Variants in CMC1 observed in about 807,000 individuals in gnomAD.
CMC1 encodes COX assembly mitochondrial protein homolog.
In CMC1, 14 loss-of-function variants were observed where a neutral mutation model predicts 14.1. The ratio of observed to expected loss-of-function variants is 0.99; its 90% CI spans 0.66 to 1.55. The LOEUF (loss-of-function observed/expected upper bound fraction) is 1.55, where lower values mean the gene tolerates loss of function less well. CMC1 is among the 40% of genes most tolerant of loss of function. CMC1 has a pLI of 0.00. For missense variants in CMC1, 127 were observed against 123.8 expected (o/e 1.03, Z -0.12); for synonymous variants, 50 against 38.4 (o/e 1.30, Z -1.12).
chr3:28,277,181 A>G (rs536376334), intron 2 of CMC1, among the ~76,000 whole-genome samples: 2 of 152,326 alleles, frequency 1.3e-5, no homozygotes, highest in South Asian at 4.1e-4. Flanking sequence ...TCAGAATATT[A>G]AATAAAGGTG....
At chr3:28,252,136 C>T (rs992358705) in intron 1 of CMC1, among the ~76,000 whole-genome samples, 3 of 152,178 alleles carry the variant, frequency 2.0e-5, no homozygotes, top group African/African-American at 7.2e-5. Context: ...TTTCTGGCCT[C>T]CTCTTGGTTA....
At chr3:28,255,079 A>G (rs996506213) in intron 1 of CMC1, among the ~76,000 whole-genome samples, 2 of 152,088 alleles carry the variant, frequency 1.3e-5, no homozygotes, top group Non-Finnish European at 2.9e-5. Flanking sequence ...ATAAATGGTC[A>G]TATCCTTTTA....
chr3:28,295,821 A>G lies in CMC1; in HGVS notation c.110-20512A>G, dbSNP rs145164070. Among the ~76,000 whole-genome samples the G allele has an allele frequency of 7.0e-4, 106 of 152,078 alleles. 1 individual carries two copies. The East Asian group carries it at 0.017, about 25-fold the overall frequency. ...AAGCCAAAACCTAAATCCCATGAAT[A>G]CTGTATTTTTTATCTGTGTTTGGCT... is the stretch of plus-strand genomic sequence containing the variant. On this transcript the variant is annotated intron_variant, in intron 2 of 3. Coordinates refer to ENST00000466830, the MANE Select transcript of CMC1 (RefSeq NM_182523.2).
chr3:28,290,789 T>G (rs1390101535), intron 2 of CMC1, among the ~76,000 whole-genome samples: 2 of 152,288 alleles, frequency 1.3e-5, no homozygotes, highest in South Asian at 4.1e-4. Context: ...TGATGGTATT[T>G]ACTGCATAAC....
chr3:28,272,353 G>C (rs1473621017), intron 2 of CMC1, among the ~76,000 whole-genome samples: 2 of 152,088 alleles, frequency 1.3e-5, no homozygotes, highest in Admixed American at 6.5e-5. Context: ...GTTGGCTGTG[G>C]GTTTGTCATG....
At chr3:28,295,066 CT>C (rs1245102668) in intron 2 of CMC1, among the ~76,000 whole-genome samples, 1 of 152,066 alleles carries the variant, frequency 6.6e-6, no homozygotes, top group African/African-American at 2.4e-5. Flanking sequence ...CCAGAAATAC[CT>C]TTAGTGAATA....
intron 1 of CMC1, among the ~76,000 whole-genome samples, chr3:28,245,588 T>C (rs1189173084): frequency 6.6e-6 from 1 of 152,186 alleles, no homozygotes; most frequent in Non-Finnish European, 1.5e-5. Context: ...TGTCCTTCTA[T>C]TGCTGTTTTT....
At chr3:28,269,114 G>T (rs1032754867) in intron 2 of CMC1, among the ~76,000 whole-genome samples, 1 of 152,100 alleles carries the variant, frequency 6.6e-6, no homozygotes, top group African/African-American at 2.4e-5. Context: ...TTTATCAGGG[G>T]TATGTATGTA....
Position 28,324,503 on chromosome 3 carries a change from C to T in CMC1, c.*4874C>T. 1 of 1,388,982 alleles carries T rather than the reference C, an allele frequency of 7.2e-7. No homozygotes were observed. The highest frequency in any genetic ancestry group is 9.5e-7 in the Non-Finnish European group (1 of 1,056,952). The allele number at this position is 1,388,982 out of a possible 1,614,324, so 86.0% of individuals were successfully genotyped here. A position where few individuals can be genotyped will look rare whatever the true frequency, so the allele number is the denominator to read the frequency against. ...TGTCAGTTTTCATTACATTTGTGAT[C>T]ATAAAATTCGATAACACTTCACCAA... On this transcript the variant is annotated 3_prime_UTR_variant, in exon 4 of 4. Coordinates refer to ENST00000466830, the MANE Select transcript of CMC1 (RefSeq NM_182523.2).
chr3:28,261,012 T>C (rs1699710889), intron 1 of CMC1, among the ~76,000 whole-genome samples: 1 of 152,180 alleles, frequency 6.6e-6, no homozygotes, highest in Non-Finnish European at 1.5e-5. Context: ...CAGATTGTGG[T>C]TTATCTTAGT....
intron 2 of CMC1, among the ~76,000 whole-genome samples, chr3:28,311,519 G>C (rs577167018): frequency 1.3e-5 from 2 of 152,284 alleles, no homozygotes; most frequent in South Asian, 4.1e-4. Context: ...TTAGAAAGAA[G>C]AGGACAAAAA....
chr3:28,276,856 T>A (rs899515583), intron 2 of CMC1, among the ~76,000 whole-genome samples: 2 of 152,214 alleles, frequency 1.3e-5, no homozygotes, highest in African/African-American at 4.8e-5. Flanking sequence ...AACCAGTTAT[T>A]AATAGCCCGT....
chr3:28,244,887 GTT>G (rs34300975), intron 1 of CMC1, among the ~76,000 whole-genome samples: 14 of 142,902 alleles, frequency 9.8e-5, no homozygotes, highest in Middle Eastern at 3.7e-3. Context: ...AAGTAGGAAG[GTT>G]TTTTTTTTTT....
chr3:28,255,289 G>A (rs1699335003), intron 1 of CMC1, among the ~76,000 whole-genome samples: 1 of 147,278 alleles, frequency 6.8e-6, no homozygotes, highest in Non-Finnish European at 1.5e-5. Context: ...CTCCTAGGCT[G>A]GAGTGCAGTG....
rs990376701 is a variant in CMC1 at position 28,292,126 on chromosome 3, A to G, written c.110-24207A>G. On this transcript the variant is annotated intron_variant, in intron 2 of 3. Coordinates refer to ENST00000466830, the MANE Select transcript of CMC1 (RefSeq NM_182523.2). ...TTAATTCATTTTCTTTCCCCAGTGCATTCTAGGAGCTAGGATCCATGGCAT... is the reference window on the plus strand; with the variant it reads ...TTAATTCATTTTCTTTCCCCAGTGCGTTCTAGGAGCTAGGATCCATGGCAT... Among the ~76,000 whole-genome samples, 4 of 152,110 alleles carry G rather than the reference A, an allele frequency of 2.6e-5. No homozygotes were observed. In the South Asian group the frequency reaches 8.3e-4, roughly 32 times the overall value.
chr3:28,242,718 A>G (rs974850205), intron 1 of CMC1, among the ~76,000 whole-genome samples: 3 of 152,212 alleles, frequency 2.0e-5, no homozygotes, highest in African/African-American at 7.2e-5. Flanking sequence ...ACTGAGGCGA[A>G]GAGAAGTTAA....
At chr3:28,291,878 C>G (rs1701485814) in intron 2 of CMC1, 2 of 151,910 alleles carry the variant, frequency 1.3e-5, no homozygotes, top group African/African-American at 4.8e-5. Context: ...TTTGGGTTAT[C>G]TTCTCTATTA....
intron 2 of CMC1, among the ~76,000 whole-genome samples, chr3:28,266,905 A>T (rs1263941016): frequency 6.6e-6 from 1 of 152,240 alleles, no homozygotes; most frequent in Admixed American, 6.5e-5. Flanking sequence ...AACACAGTGA[A>T]CACTGAGTAC....
intron 2 of CMC1, among the ~76,000 whole-genome samples, chr3:28,270,243 A>T (rs569216216): frequency 6.6e-6 from 1 of 152,222 alleles, no homozygotes; most frequent in Non-Finnish European, 1.5e-5. Context: ...TCTTTATAAT[A>T]GAATGATTTA....
Sources: gnomAD v4.1 joint callset for allele counts (sites outside exome capture counted in the v4.1 genomes callset) on GRCh38, gnomAD v4.1.1 for gene constraint, MANE v1.5 for transcripts, NCBI Gene and HGNC (gene_info 2026-07-23, HGNC 2026-07-21) for gene names.